Variants in TAF3 observed in about 807,000 individuals in gnomAD.
TAF3 encodes transcription initiation factor TFIID subunit 3.
TAF3 carries 7 observed loss-of-function variants against 80.6 expected under a neutral mutation model. The ratio of observed to expected loss-of-function variants is 0.09; its 90% CI spans 0.05 to 0.16. The LOEUF is 0.16. Among genes scored for constraint, TAF3 ranks in the 10% least tolerant of loss-of-function variants. TAF3 has a pLI of 1.00. For missense variants in TAF3, 921 were observed against 1,140.2 expected, an observed-to-expected ratio of 0.81 and a Z score of 2.77; for synonymous variants, 444 against 446.1, an observed-to-expected ratio of 1.00 and a Z score of 0.06.
At chr10:7,925,767 C>A (rs1254533328) in intron 2 of TAF3, among the ~76,000 whole-genome samples, 1 of 138,760 alleles carries the variant, frequency 7.2e-6, no homozygotes, top group Non-Finnish European at 1.5e-5. Context: ...CCACTGCACT[C>A]CAGCCTGGGC....
chr10:7,945,869 G>A (rs946426999), intron 2 of TAF3, among the ~76,000 whole-genome samples: 11 of 152,108 alleles, frequency 7.2e-5, no homozygotes, highest in Admixed American at 5.2e-4. Context: ...TTTTGTATTT[G>A]TTGTTGCCTA....
In TAF3 at chr10:7,863,646, T is replaced by TACAC. The variant is rs1189904667; in HGVS notation, c.409+39094_409+39097dup. Among the ~76,000 whole-genome samples the TACAC allele has an allele frequency of 3.8e-3, 294 of 76,800 alleles. 46 individuals are homozygous for TACAC. In the East Asian group the frequency reaches 0.073, roughly 19 times the overall value. The allele number at this position is 76,800 out of a possible 152,430, so 50.4% of individuals were successfully genotyped here. ...AAAAAAATATATATATATATATATA[T>TACAC]ACACACACACATATATATATACACA... On this transcript the variant is annotated intron_variant, in intron 2 of 6. Coordinates refer to ENST00000344293, the MANE Select transcript of TAF3 (RefSeq NM_031923.4).
chr10:7,849,989 A>T (rs1837011510), intron 2 of TAF3, among the ~76,000 whole-genome samples: 1 of 152,008 alleles, frequency 6.6e-6, no homozygotes, highest in South Asian at 2.1e-4. Flanking sequence ...CCTCATGAAA[A>T]CTTTTGATGT....
intron 2 of TAF3, among the ~76,000 whole-genome samples, chr10:7,896,890 G>GAGCCCA (rs1238332946): frequency 3.3e-5 from 5 of 152,128 alleles, no homozygotes; most frequent in Non-Finnish European, 5.9e-5. Context: ...CAGCCCAGTT[G>GAGCCCA]GAAGGCCCTT....
intron 2 of TAF3, among the ~76,000 whole-genome samples, chr10:7,835,703 G>A (rs1010177936): frequency 1.2e-4 from 18 of 152,196 alleles, no homozygotes; most frequent in African/African-American, 4.3e-4. Flanking sequence ...GGGTTGGCCT[G>A]CCGGGCTTTC....
chr10:7,902,789 A>G (rs1013599125), intron 2 of TAF3, among the ~76,000 whole-genome samples: 5 of 152,316 alleles, frequency 3.3e-5, no homozygotes, highest in Admixed American at 2.0e-4. Flanking sequence ...CAGTTATTAT[A>G]CTTGTGGCTG....
At chr10:7,899,207 G>T (rs1036141309) in intron 2 of TAF3, among the ~76,000 whole-genome samples, 1 of 152,128 alleles carries the variant, frequency 6.6e-6, no homozygotes, top group Non-Finnish European at 1.5e-5. Flanking sequence ...TTGCCTGTGC[G>T]CAGTCTCCCT....
At chr10:7,991,004 C>T (rs1178147027) in intron 4 of TAF3, among the ~76,000 whole-genome samples, 1 of 152,188 alleles carries the variant, frequency 6.6e-6, no homozygotes, top group African/African-American at 2.4e-5. Flanking sequence ...ATGCCTTCAA[C>T]CCTTTTAAGA....
intron 4 of TAF3, among the ~76,000 whole-genome samples, chr10:7,988,592 A>G (rs963228329): frequency 7.0e-6 from 1 of 143,456 alleles, no homozygotes; most frequent in Non-Finnish European, 1.5e-5. Context: ...AAAAAAAAAA[A>G]AAAAAAAAAG....
At chr10:7,985,442 C>T (rs1458961751) in intron 4 of TAF3, among the ~76,000 whole-genome samples, 1 of 152,056 alleles carries the variant, frequency 6.6e-6, no homozygotes, top group Non-Finnish European at 1.5e-5. Flanking sequence ...CATGCTAACC[C>T]TCCTCACCTT....
chr10:7,999,737 G>A (rs915616450), intron 4 of TAF3, among the ~76,000 whole-genome samples: 16 of 152,170 alleles, frequency 1.1e-4, no homozygotes, highest in Non-Finnish European at 2.2e-4. Flanking sequence ...GATTACAGGC[G>A]TGAGCCACCG....
At chr10:7,886,435 A>C (rs1283325211) in intron 2 of TAF3, among the ~76,000 whole-genome samples, 21 of 152,142 alleles carry the variant, frequency 1.4e-4, no homozygotes, top group Admixed American at 1.4e-3. Flanking sequence ...TTAATCATGA[A>C]TATGTAACTA....
At chr10:7,947,066 C>A (rs977830486) in intron 2 of TAF3, among the ~76,000 whole-genome samples, 1 of 152,168 alleles carries the variant, frequency 6.6e-6, no homozygotes, top group Non-Finnish European at 1.5e-5. Context: ...CTGGCCACAA[C>A]TTTTCTTTCT....
At chr10:8,002,784 C>G (rs1831956630) in intron 4 of TAF3, among the ~76,000 whole-genome samples, 2 of 152,092 alleles carry the variant, frequency 1.3e-5, no homozygotes, top group African/African-American at 4.8e-5. Flanking sequence ...GATAAATATG[C>G]TTACATCTGT....
At chr10:7,951,751 T>G (rs1191197880) in intron 2 of TAF3, among the ~76,000 whole-genome samples, 1 of 152,228 alleles carries the variant, frequency 6.6e-6, no homozygotes, top group Non-Finnish European at 1.5e-5. Context: ...ATACTTTGTC[T>G]TACTGTTACT....
chr10:7,964,293 A>T lies in TAF3; in HGVS notation c.783A>T (p.Lys261Asn). The T allele has an allele frequency of 2.5e-6, 4 of 1,614,196 alleles. No homozygotes were observed. Among genetic ancestry groups the T allele is most frequent in the Non-Finnish European group, 3.4e-6 (4 of 1,180,038 alleles). ...PVAKSQMPTA[K>N]PLETKSFTPK... ...CAAAATCACAAATGCCAACTGCAAA[A>T]CCATTAGAAACAAAGTCATTTACAC... is the stretch of plus-strand genomic sequence containing the variant. Residue 261 changes from lysine (K) to asparagine (N), a missense_variant, in exon 3 of 7, where the codon AAA (lysine) becomes AAT (asparagine). Lys to Asn is a moderately conservative substitution (Grantham distance 94, BLOSUM62 0). This residue lies in a region of TAF3 where 743 missense variants were observed against 821.0 expected (regional missense o/e 0.90). Transcript: ENST00000344293. The surrounding 1 kb of genome is among the most constrained non-coding windows in gnomAD (Gnocchi z 4.1).
intron 2 of TAF3, among the ~76,000 whole-genome samples, chr10:7,934,349 T>C (rs1027343418): frequency 6.6e-6 from 1 of 152,230 alleles, no homozygotes; most frequent in Non-Finnish European, 1.5e-5. Flanking sequence ...TGTCTTATAA[T>C]TGATGACATC....
At chr10:7,902,141 T>C (rs1460750591) in intron 2 of TAF3, among the ~76,000 whole-genome samples, 1 of 152,228 alleles carries the variant, frequency 6.6e-6, no homozygotes, top group Non-Finnish European at 1.5e-5. Context: ...GTAACATCAC[T>C]GTCCAATATT....
intron 4 of TAF3, among the ~76,000 whole-genome samples, chr10:7,983,208 C>T (rs1483646834): frequency 6.6e-5 from 10 of 152,200 alleles, no homozygotes; most frequent in African/African-American, 1.2e-4. Context: ...CCCGGGCCTC[C>T]GTTATCAGCC....
Sources: allele counts gnomAD v4.1 joint callset (sites outside exome capture counted in the v4.1 genomes callset), GRCh38; gene constraint gnomAD v4.1.1; regional missense constraint gnomAD v4.1.1; non-coding constraint Gnocchi (gnomAD v3.1); transcripts MANE v1.5; gene names NCBI Gene and HGNC (gene_info 2026-07-23, HGNC 2026-07-21).